The following SYNPO variants were observed in gnomAD, a reference collection of about 807,000 sequenced individuals.
SYNPO encodes synaptopodin.
A neutral mutation model predicts 49.5 loss-of-function variants in SYNPO; 19 were observed. The observed-to-expected ratio is 0.38, with a 90% CI of 0.27 to 0.56. The LOEUF (loss-of-function observed/expected upper bound fraction) is 0.56. Among genes scored for constraint, SYNPO ranks in the 20% least tolerant of loss-of-function variants. The pLI is 0.68. For missense variants in SYNPO, 1,131 were observed against 1,248.3 expected (o/e 0.91, Z 1.42); for synonymous variants, 536 against 548.0 (o/e 0.98, Z 0.31).
chr5:150,626,928 T>G (rs891031725), intron 2 of SYNPO, among the ~76,000 whole-genome samples: 1 of 152,176 alleles, frequency 6.6e-6, no homozygotes, highest in Non-Finnish European at 1.5e-5. Flanking sequence ...TTCTTCCATC[T>G]TCTCTCCACC....
chr5:150,609,999 T>C (rs1756805196), intron 1 of SYNPO, among the ~76,000 whole-genome samples: 1 of 152,248 alleles, frequency 6.6e-6, no homozygotes, highest in Non-Finnish European at 1.5e-5. Context: ...TTTATAGCCA[T>C]GACTTCAGTC....
At chr5:150,617,064 C>A (rs1757000431) in intron 1 of SYNPO, among the ~76,000 whole-genome samples, 2 of 152,128 alleles carry the variant, frequency 1.3e-5, no homozygotes, top group Admixed American at 6.5e-5. Context: ...GAAAGAACAG[C>A]CAACATGTAT....
chr5:150,625,742 C>G (rs1291430877), intron 2 of SYNPO, among the ~76,000 whole-genome samples: 1 of 152,180 alleles, frequency 6.6e-6, no homozygotes, highest in African/African-American at 2.4e-5. Context: ...CCTTTGCTCC[C>G]CCCATTACCC....
rs3062926 is a variant in SYNPO, at chr5:150,628,036, C to CTGTGTGTGTGTG, written c.400+9288_400+9299dup. Among the ~76,000 whole-genome samples the CTGTGTGTGTGTG allele has an allele frequency of 2.3e-3, 326 of 142,030 alleles. 1 individual carries two copies. The highest frequency in any genetic ancestry group is 7.9e-3 in the African/African-American group (291 of 36,766). The allele number at this position is 142,030 out of a possible 152,430, so 93.2% of individuals were successfully genotyped here. On this transcript the variant is annotated intron_variant, in intron 2 of 2. Coordinates refer to the SYNPO transcript ENST00000394243. Reference sequence around the variant, plus strand: ...TGTGTGTTTCTGTGTGTGTGTGTTTCTGTGTGTGTGTGTGTGTGTGTGTGT... The same window carrying CTGTGTGTGTGTG: ...TGTGTGTTTCTGTGTGTGTGTGTTTCTGTGTGTGTGTGTGTGTGTGTGTGTGTGTGTGTGTGT...
chr5:150,619,776 T>C (rs1430899997), intron 2 of SYNPO, among the ~76,000 whole-genome samples: 1 of 152,160 alleles, frequency 6.6e-6, no homozygotes, highest in Non-Finnish European at 1.5e-5. Flanking sequence ...CCGGCTGGCA[T>C]CTCACCAGCC....
In SYNPO at chr5:150,656,374, C is replaced by A. The variant is rs1323820458; in HGVS notation, c.2029-30C>A. 5 of 1,496,458 alleles carry A rather than the reference C, an allele frequency of 3.3e-6. No homozygotes were observed. In the South Asian group the frequency reaches 3.7e-5, roughly 11 times the overall value. 92.7% of individuals were successfully genotyped at this position (1,496,458 alleles called of 1,614,324 possible). ...GGTGTGGAAGACCTCAGCACTAATG[C>A]CTGCCCCACCCTCTCTGCTCTCTCC... On this transcript the variant is annotated intron_variant, in intron 2 of 2. Transcript: ENST00000307662.
In SYNPO at chr5:150,648,263, C is replaced by A; in HGVS notation, c.-13C>A. The stretch of plus-strand genomic sequence containing the variant: ...GTCCCCAGAGCCCCGACAGAGGGGT[C>A]CCTGGCCACAGCATGGAGGGGTACT... On this transcript the variant is annotated 5_prime_UTR_variant, in exon 2 of 3. Transcript: ENST00000307662. This position sits in a 1 kb window ranked among gnomAD's most constrained non-coding sequence, Gnocchi z 5.0. 1.2e-6 allele frequency: 2 copies of A among 1,614,174 alleles called. No individual in the cohort carries two copies. Among genetic ancestry groups the A allele is most frequent in the Non-Finnish European group, 1.7e-6 (2 of 1,180,026 alleles).
intron 2 of SYNPO, chr5:150,650,679 G>A (rs1758345123): frequency 2.1e-6 from 3 of 1,417,898 alleles, no homozygotes; most frequent in Admixed American, 6.2e-5. Context: ...CTTGCTGGGG[G>A]AGTGGCCTAG....
intron 2 of SYNPO, chr5:150,652,425 C>G: frequency 1.0e-6 from 1 of 984,714 alleles, no homozygotes; most frequent in South Asian, 4.7e-5. Context: ...GTGGAGTGGG[C>G]CTGCTCAATT....
chr5:150,600,019 C>T (rs556981877), upstream of SYNPO, among the ~76,000 whole-genome samples: 2 of 152,314 alleles, frequency 1.3e-5, no homozygotes, highest in East Asian at 3.9e-4. Flanking sequence ...CCGGCAAAAC[C>T]TTGCCAGCAA....
chr5:150,613,472 C>A (rs1238106893), intron 1 of SYNPO, among the ~76,000 whole-genome samples: 1 of 152,226 alleles, frequency 6.6e-6, no homozygotes, highest in Non-Finnish European at 1.5e-5. Context: ...CCCAGGAAAC[C>A]TTTCCTCACT....
chr5:150,600,693 G>A (rs1756505909), upstream of SYNPO, among the ~76,000 whole-genome samples: 1 of 152,140 alleles, frequency 6.6e-6, no homozygotes, highest in South Asian at 2.1e-4. Context: ...GCGGGTGGTG[G>A]GAAGTGCTGT....
chr5:150,639,940 T>TG (rs143496065), upstream of SYNPO, among the ~76,000 whole-genome samples: 1,236 of 152,342 alleles, frequency 8.1e-3, 3 homozygotes, highest in Middle Eastern at 0.045. Context: ...CCCACGTGAC[T>TG]GGCCCTGCAC....
Position 150,648,238 on chromosome 5 carries a change from G to A in SYNPO, c.-38G>A. 2 of 1,613,240 alleles carry A rather than the reference G, an allele frequency of 1.2e-6. No individual in the cohort carries two copies. Among genetic ancestry groups the A allele is most frequent in the Non-Finnish European group, 1.7e-6 (2 of 1,179,596 alleles). ...GAGCCAGGCCCTCCACGGCACCCCA[G>A]TCCCCAGAGCCCCGACAGAGGGGTC... is the stretch of plus-strand genomic sequence containing the variant. On this transcript the variant is annotated 5_prime_UTR_variant, in exon 2 of 3. Transcript: ENST00000307662. The surrounding 1 kb of genome is among the most constrained non-coding windows in gnomAD (Gnocchi z 5.0).
At position 150,648,703 on chromosome 5, in the gene SYNPO, C is replaced by T; in HGVS notation, c.428C>T (p.Pro143Leu). ...AGCACCCTGTGTGCTGATGGGCAAC[C>T]CCAGGCACCGGCTGAGGAGGTGAGA... Reference protein sequence around the residue: ...KPSTLCADGQPQAPAEEVRCS... With the variant: ...KPSTLCADGQLQAPAEEVRCS... Residue 143 changes from proline to leucine, a missense_variant, in exon 2 of 3, where the codon CCC becomes CTC. Pro to Leu is a moderately conservative substitution (Grantham distance 98). Around this residue, in one of 4 missense-constraint regions of SYNPO, gnomAD observed 602 missense variants for 720.7 expected, o/e 0.84. Transcript: ENST00000307662. The surrounding 1 kb of genome is among the most constrained non-coding windows in gnomAD (Gnocchi z 5.0). The T allele has an allele frequency of 1.2e-6, 2 of 1,614,182 alleles. No homozygotes were observed. The highest frequency in any genetic ancestry group is 1.7e-6 in the Non-Finnish European group (2 of 1,180,032).
intron 1 of SYNPO, among the ~76,000 whole-genome samples, chr5:150,616,202 C>A (rs966313271): frequency 6.6e-6 from 1 of 152,240 alleles, no homozygotes; most frequent in Non-Finnish European, 1.5e-5. Context: ...AAACCAAGAC[C>A]TTGACCCAGC....
chr5:150,604,862 T>A (rs1756648047), intron 1 of SYNPO, among the ~76,000 whole-genome samples: 1 of 152,132 alleles, frequency 6.6e-6, no homozygotes, highest in Non-Finnish European at 1.5e-5. Context: ...GAGGGGAGAA[T>A]GCGGAAGCAA....
At chr5:150,590,281 G>A in the SYNPO span, among the ~76,000 whole-genome samples, 1 of 152,204 alleles carries the variant, frequency 6.6e-6, no homozygotes, top group Non-Finnish European at 1.5e-5. Context: ...GTGCTCCCCT[G>A]GCTCATCTCC....
At chr5:150,604,368 C>T (rs140994685) in intron 1 of SYNPO, among the ~76,000 whole-genome samples, 1 of 152,316 alleles carries the variant, frequency 6.6e-6, no homozygotes, top group African/African-American at 2.4e-5. Flanking sequence ...CCCTGTTGGG[C>T]TAAGGAATGG....
Sources: gnomAD v4.1 joint callset for allele counts (sites outside exome capture counted in the v4.1 genomes callset) on GRCh38, gnomAD v4.1.1 for gene constraint, gnomAD v4.1.1 regional missense constraint, Gnocchi (gnomAD v3.1) non-coding constraint, MANE v1.5 for transcripts, NCBI Gene and HGNC (gene_info 2026-07-23, HGNC 2026-07-21) for gene names.